ADAM10: variants seen among roughly 807,000 people sequenced by gnomAD.
ADAM10 encodes disintegrin and metalloproteinase domain-containing protein 10.
In ADAM10, 17 loss-of-function variants were observed where a neutral mutation model predicts 90.1. The observed-to-expected ratio is 0.19, with a 90% confidence interval of 0.13 to 0.28. The LOEUF (loss-of-function observed/expected upper bound fraction) is 0.28, where lower values mean the gene tolerates loss of function less well. Among genes scored for constraint, ADAM10 ranks in the 10% least tolerant of loss-of-function variants. The probability of loss-of-function intolerance (pLI) is 1.00; values close to 1 mark genes in which losing one functional copy is unlikely to be tolerated. For synonymous variants in ADAM10, 310 were observed against 298.6 expected (o/e 1.04, Z -0.40); for missense variants, 610 against 914.3 (o/e 0.67, Z 4.29).
At chr15:58,612,428 C>T (rs1414495133) in intron 11 of ADAM10, among the ~76,000 whole-genome samples, 2 of 152,160 alleles carry the variant, frequency 1.3e-5, no homozygotes, top group East Asian at 3.9e-4. Flanking sequence ...ACCCTGCTTC[C>T]CTGGAGCTAG....
rs1209736709 is a variant in ADAM10 at position 58,593,172 on chromosome 15, T to A, written c.*4375A>T. On this transcript the variant is annotated 3_prime_UTR_variant, in exon 16 of 16. Coordinates refer to ENST00000260408, the MANE Select transcript of ADAM10 (RefSeq NM_001110.4). ...AAATTTTTTTTTTTTTTTTTTTTTT[T>A]TTTTTTTTTTTTTTTTTTTTTTTTT... is the stretch of plus-strand genomic sequence containing the variant. The A allele has an allele frequency of 1.6e-4, 8 of 50,714 alleles. No homozygotes were observed. In the East Asian group the frequency reaches 5.0e-3, roughly 32 times the overall value. The allele number at this position is 50,714 out of a possible 1,614,324, so 3.1% of individuals were successfully genotyped here. A position where few individuals can be genotyped will look rare whatever the true frequency, so the allele number is the denominator to read the frequency against.
At chr15:58,604,953 T>G (rs1255697989) in intron 14 of ADAM10, among the ~76,000 whole-genome samples, 1 of 152,204 alleles carries the variant, frequency 6.6e-6, no homozygotes, top group Non-Finnish European at 1.5e-5. Context: ...TTGTCCAGGT[T>G]GGTCTTCAAC....
At chr15:58,645,926 T>C in intron 6 of ADAM10, 129 bp downstream of exon 6, 2 of 958,554 alleles carry the variant, frequency 2.1e-6, no homozygotes, top group Non-Finnish European at 3.2e-6. Context: ...TTACACATTT[T>C]ATCACATCAC....
At chr15:58,654,784 A>G (rs1896769271) in intron 5 of ADAM10, among the ~76,000 whole-genome samples, 1 of 152,058 alleles carries the variant, frequency 6.6e-6, no homozygotes, top group Non-Finnish European at 1.5e-5. Context: ...TTTACTTTCC[A>G]TGTGATTGTA....
intron 4 of ADAM10, among the ~76,000 whole-genome samples, chr15:58,671,699 C>T (rs1897197294): frequency 6.6e-6 from 1 of 152,138 alleles, no homozygotes; most frequent in South Asian, 2.1e-4. Context: ...ACAGTGAGAC[C>T]TCGTCTCTAT....
At chr15:58,736,329 T>C (rs146845833) in intron 1 of ADAM10, among the ~76,000 whole-genome samples, 1,793 of 152,326 alleles carry the variant, frequency 0.012, 21 homozygotes, top group Non-Finnish European at 0.018. Context: ...TTTAACTTTC[T>C]TGTTCTCAGT....
rs771488721 is a variant in ADAM10 at position 58,717,602 on chromosome 15, G to A, written c.181C>T (p.Arg61Cys). ...RAVSHEDQFL[R>C]LDFHAHGRHF... ...CTTCCATGGGCATGGAAATCTAGAC[G>A]TAAAAATTGGTCTTCATGTGAGACT... The change falls in exon 2 of 16, where the codon CGT (arginine) becomes TGT (cysteine). Residue 61 changes from arginine (R) to cysteine (C), a missense_variant. Arg to Cys is a radical substitution (Grantham distance 180, BLOSUM62 -3). Coordinates refer to ENST00000260408, the MANE Select transcript of ADAM10 (RefSeq NM_001110.4). 6 of 1,613,786 alleles carry A rather than the reference G, an allele frequency of 3.7e-6. No individual in the cohort carries two copies. The highest frequency in any genetic ancestry group is 2.7e-5 in the African/African-American group (2 of 75,000).
intron 14 of ADAM10, among the ~76,000 whole-genome samples, chr15:58,600,163 A>T (rs1164144787): frequency 6.6e-6 from 1 of 152,184 alleles, no homozygotes; most frequent in African/African-American, 2.4e-5. Context: ...ATGCCCTAAC[A>T]AGGTTTGAGG....
intron 2 of ADAM10, among the ~76,000 whole-genome samples, chr15:58,711,443 G>C (rs1449615001): frequency 2.0e-5 from 3 of 152,186 alleles, no homozygotes; most frequent in African/African-American, 4.8e-5. Flanking sequence ...CTGAGGCTCA[G>C]AAGAAATCTC....
chr15:58,631,761 T>C (rs1266332480), intron 9 of ADAM10, among the ~76,000 whole-genome samples: 1 of 152,134 alleles, frequency 6.6e-6, no homozygotes, highest in African/African-American at 2.4e-5. Flanking sequence ...AAAATGCAAA[T>C]CAACTATGAA....
intron 1 of ADAM10, among the ~76,000 whole-genome samples, chr15:58,740,592 A>G (rs1899579595): frequency 6.6e-6 from 1 of 152,148 alleles, no homozygotes; most frequent in South Asian, 2.1e-4. Context: ...TGGCATAGAA[A>G]CAGGGTCTTG....
chr15:58,719,350 G>A (rs1898769165), intron 1 of ADAM10, among the ~76,000 whole-genome samples: 1 of 151,632 alleles, frequency 6.6e-6, no homozygotes, highest in Non-Finnish European at 1.5e-5. Flanking sequence ...TTGTCTTTCT[G>A]TATTTTTCCT....
chr15:58,717,613 T>C lies in ADAM10; in HGVS notation c.170A>G (p.Asp57Gly), dbSNP rs1898705537. 5.6e-6 allele frequency: 9 copies of C among 1,613,952 alleles called. No homozygotes were observed. Among genetic ancestry groups the C allele is most frequent in the Non-Finnish European group, 7.6e-6 (9 of 1,179,924 alleles). The change falls in exon 2 of 16, where the codon GAC becomes GGC. Residue 57 changes from aspartate (D) to glycine (G), a missense_variant. Coordinates refer to ENST00000260408, the MANE Select transcript of ADAM10 (RefSeq NM_001110.4). The part of the protein sequence containing the change: ...QRAKRAVSHE[D>G]QFLRLDFHAH... Reference sequence around the variant, plus strand: ...ATGGAAATCTAGACGTAAAAATTGGTCTTCATGTGAGACTGCTCTTTTGGC... The same window carrying C: ...ATGGAAATCTAGACGTAAAAATTGGCCTTCATGTGAGACTGCTCTTTTGGC...
intron 4 of ADAM10, among the ~76,000 whole-genome samples, chr15:58,673,867 T>G (rs1385688252): frequency 2.0e-5 from 3 of 152,038 alleles, no homozygotes; most frequent in Non-Finnish European, 4.4e-5. Flanking sequence ...CTCGAGTAGC[T>G]GGGACTACAG....
At chr15:58,647,248 A>ATTTTTTTTTTGTTTTTT (rs1896572787) in intron 5 of ADAM10, among the ~76,000 whole-genome samples, 1 of 59,602 alleles carries the variant, frequency 1.7e-5, no homozygotes, top group Non-Finnish European at 3.6e-5. Context: ...GACACTAAGT[A>ATTTTTTTTTTGTTTTTT]TTTTTTTTTT....
At chr15:58,605,014 A>G (rs1400859480) in intron 14 of ADAM10, among the ~76,000 whole-genome samples, 1 of 152,210 alleles carries the variant, frequency 6.6e-6, no homozygotes, top group Non-Finnish European at 1.5e-5. Context: ...TGCTAAGATT[A>G]AAGGTATAAG....
intron 2 of ADAM10, among the ~76,000 whole-genome samples, chr15:58,700,316 C>T (rs907898360): frequency 4.6e-5 from 7 of 152,166 alleles, no homozygotes; most frequent in Admixed American, 4.6e-4. Flanking sequence ...ATGAAATACT[C>T]TCGAGGATAG....
At chr15:58,637,973 G>A (rs919721934) in intron 8 of ADAM10, among the ~76,000 whole-genome samples, 4 of 152,124 alleles carry the variant, frequency 2.6e-5, no homozygotes, top group Non-Finnish European at 5.9e-5. Context: ...ACTCAGTTCA[G>A]CTAGTAGTAA....
rs74657668 is a variant in ADAM10 at position 58,610,553 on chromosome 15, G to T, written c.1805-36C>A. The T allele has an allele frequency of 1.5e-4, 234 of 1,586,304 alleles. 1 individual carries two copies. The African/African-American group carries it at 3.0e-3, about 20-fold the overall frequency. Reference sequence around the variant, plus strand: ...AATGCCAAATATAAGCTGAAGGTCAGATTCAAATATAAGTTGAAGATCAGA... The same window carrying T: ...AATGCCAAATATAAGCTGAAGGTCATATTCAAATATAAGTTGAAGATCAGA... On this transcript the variant is annotated intron_variant, in intron 13 of 15. Transcript: ENST00000260408.
Sources: allele counts gnomAD v4.1 joint callset (sites outside exome capture counted in the v4.1 genomes callset), GRCh38; gene constraint gnomAD v4.1.1; transcripts MANE v1.5; gene names NCBI Gene and HGNC (gene_info 2026-07-23, HGNC 2026-07-21).